TAF4: variants seen among roughly 807,000 people sequenced by gnomAD.
The protein encoded by TAF4 is TATA-box binding protein associated factor 4.
A neutral mutation model predicts 90.3 loss-of-function variants in TAF4; 9 were observed. The ratio of observed to expected loss-of-function variants is 0.10; its 90% CI spans 0.06 to 0.17. The LOEUF (loss-of-function observed/expected upper bound fraction) is 0.17, where lower values mean the gene tolerates loss of function less well. Among genes scored for constraint, TAF4 ranks in the 10% least tolerant of loss-of-function variants. The pLI is 1.00. For synonymous variants in TAF4, 818 were observed against 638.9 expected, an observed-to-expected ratio of 1.28 and a Z score of -4.23; for missense variants, 1,351 against 1,370.7, an observed-to-expected ratio of 0.99 and a Z score of 0.23.
chr20:62,065,183 C>T lies in TAF4; in HGVS notation c.628G>A (p.Ala210Thr). Residue 210 changes from alanine to threonine, a missense_variant, in exon 1 of 15, where the codon GCC (alanine) becomes ACC (threonine). Ala to Thr is a moderately conservative substitution (Grantham distance 58). Coordinates refer to ENST00000252996, the MANE Select transcript of TAF4 (RefSeq NM_003185.4). ...ACCAGGCTGACAGCAGGTGCGGCGG[C>T]GTGGTGCGAGTTCAGCAGCGCGGCG... is the stretch of plus-strand genomic sequence containing the variant. Reference protein sequence around the residue: ...GSAALLNSHHAAAPAVSLVNN... With the variant: ...GSAALLNSHHTAAPAVSLVNN... 3 of 1,207,678 alleles carry T rather than the reference C, an allele frequency of 2.5e-6. No homozygotes were observed. Among genetic ancestry groups the T allele is most frequent in the Non-Finnish European group, 2.1e-6 (2 of 947,764 alleles). The allele number at this position is 1,207,678 out of a possible 1,614,324, so 74.8% of individuals were successfully genotyped here. A position where few individuals can be genotyped will look rare whatever the true frequency, so the allele number is the denominator to read the frequency against.
At chr20:62,017,054 T>C (rs1156956830) in intron 1 of TAF4, among the ~76,000 whole-genome samples, 1 of 151,128 alleles carries the variant, frequency 6.6e-6, no homozygotes, top group African/African-American at 2.4e-5. Context: ...GGTGGGAGGA[T>C]CATCTGAGTC....
At chr20:62,009,308 C>T in intron 4 of TAF4, 134 bp from the exon 5 acceptor site, 1 of 959,384 alleles carries the variant, frequency 1.0e-6, no homozygotes, top group Non-Finnish European at 1.5e-6. Context: ...AGAAAACGCA[C>T]CACCTCTTGG....
intron 1 of TAF4, among the ~76,000 whole-genome samples, chr20:62,049,243 C>A (rs1265550378): frequency 1.3e-5 from 2 of 152,088 alleles, no homozygotes; most frequent in Admixed American, 6.5e-5. Flanking sequence ...ACCCTGCAAG[C>A]GGGGTTCCCA....
chr20:62,042,842 G>A (rs1359085447), intron 1 of TAF4, among the ~76,000 whole-genome samples: 2 of 152,172 alleles, frequency 1.3e-5, no homozygotes, highest in Non-Finnish European at 2.9e-5. Flanking sequence ...GAGTCCAGAA[G>A]AAGGTACTGA....
Position 62,065,577 on chromosome 20 carries a change from G to C in TAF4, c.234C>G (p.Pro78=), listed in dbSNP as rs1431429759. 14 of 979,996 alleles carry C rather than the reference G, an allele frequency of 1.4e-5. No homozygotes were observed. Among genetic ancestry groups the C allele is most frequent in the Non-Finnish European group, 1.6e-5 (13 of 828,394 alleles). The allele number at this position is 979,996 out of a possible 1,614,324, so 60.7% of individuals were successfully genotyped here. The change falls in exon 1 of 15, where the codon CCC becomes CCG. Residue 78 remains proline (P), a synonymous_variant. Transcript: ENST00000252996. ...AGAAGAGPAA[P]AEGAPGAAPE... The stretch of plus-strand genomic sequence containing the variant: ...GCGCCGCTCCGGGCGCGCCCTCGGC[G>C]GGGGCGGCCGGCCCTGCGCCCGCGG...
chr20:62,035,969 G>A (rs1310037343), intron 1 of TAF4, among the ~76,000 whole-genome samples: 3 of 149,670 alleles, frequency 2.0e-5, no homozygotes, highest in Non-Finnish European at 3.0e-5. Flanking sequence ...TAAAGGAAAA[G>A]AAGTTAAATG....
intron 1 of TAF4, among the ~76,000 whole-genome samples, chr20:62,019,669 A>AG (rs1485416163): frequency 3.9e-5 from 6 of 152,156 alleles, no homozygotes; most frequent in African/African-American, 1.2e-4. Context: ...CCTCCCCCAG[A>AG]GCCTTCCAGG....
intron 1 of TAF4, among the ~76,000 whole-genome samples, chr20:62,033,737 C>CA (rs760557566): frequency 0.046 from 2,959 of 64,272 alleles, 47 homozygotes; most frequent in Non-Finnish European, 0.067. Flanking sequence ...GACTCCGTCT[C>CA]AAAAAAAAAA....
intron 1 of TAF4, among the ~76,000 whole-genome samples, chr20:62,020,244 G>C (rs937660825): frequency 2.0e-5 from 3 of 152,206 alleles, no homozygotes; most frequent in African/African-American, 7.2e-5. Context: ...CCAACGCACA[G>C]GACAGGCTGC....
chr20:62,031,307 ATGTGCAGAATCAGGC>A (rs2055903095), intron 1 of TAF4, among the ~76,000 whole-genome samples: 1 of 151,982 alleles, frequency 6.6e-6, no homozygotes, highest in Non-Finnish European at 1.5e-5. Flanking sequence ...GAGGCCCAGC[ATGTGCAGAATCAGGC>A]TGTGCTCGCT....
intron 2 of TAF4, among the ~76,000 whole-genome samples, chr20:62,014,295 C>T (rs771633892): frequency 4.6e-5 from 7 of 152,090 alleles, no homozygotes; most frequent in Non-Finnish European, 5.9e-5. Flanking sequence ...TGACCCCACT[C>T]GGCCCGCCCT....
intron 1 of TAF4, among the ~76,000 whole-genome samples, chr20:62,039,388 C>T (rs1470013263): frequency 6.6e-6 from 1 of 152,190 alleles, no homozygotes; most frequent in Non-Finnish European, 1.5e-5. Context: ...TGATTGGTAA[C>T]CACAGAAAAA....
At chr20:62,020,179 C>T (rs1034905459) in intron 1 of TAF4, among the ~76,000 whole-genome samples, 15 of 152,256 alleles carry the variant, frequency 9.9e-5, no homozygotes, top group African/African-American at 3.6e-4. Context: ...CCAGCCCCAG[C>T]CCCAGCCCAG....
intron 1 of TAF4, among the ~76,000 whole-genome samples, chr20:62,052,217 T>A (rs1193242597): frequency 1.3e-5 from 2 of 151,840 alleles, no homozygotes; most frequent in African/African-American, 4.8e-5. Context: ...TGTCAAAGGC[T>A]CAACCTCCCC....
chr20:62,002,659 T>A (rs28382092), intron 9 of TAF4, among the ~76,000 whole-genome samples: 7 of 152,130 alleles, frequency 4.6e-5, no homozygotes, highest in Admixed American at 4.6e-4. Context: ...CCTGGCTAAT[T>A]TTTTATTTTT....
intron 5 of TAF4, 121 bp downstream of exon 5, chr20:62,008,931 C>T (rs1358884938): frequency 7.4e-7 from 1 of 1,353,628 alleles, no homozygotes; most frequent in South Asian, 1.6e-5. Flanking sequence ...TCGCCTGCAG[C>T]CTTCCAGAGG....
chr20:62,043,571 C>A (rs1429048947), intron 1 of TAF4, among the ~76,000 whole-genome samples: 1 of 152,198 alleles, frequency 6.6e-6, no homozygotes, highest in Non-Finnish European at 1.5e-5. Flanking sequence ...CAGAGCAACA[C>A]CCAGTCCTGC....
chr20:62,052,529 G>A (rs1430216145), intron 1 of TAF4, among the ~76,000 whole-genome samples: 4 of 151,022 alleles, frequency 2.6e-5, no homozygotes, highest in Non-Finnish European at 4.4e-5. Flanking sequence ...GCCCCAGCCC[G>A]TGTGTGCCCT....
chr20:62,001,280 C>A (rs1481785549), intron 9 of TAF4, among the ~76,000 whole-genome samples: 2 of 152,174 alleles, frequency 1.3e-5, no homozygotes, highest in Non-Finnish European at 2.9e-5. Flanking sequence ...AGGACCCGGT[C>A]CCAGCAGCGC....
Sources: gnomAD v4.1 joint callset for allele counts (sites outside exome capture counted in the v4.1 genomes callset) on GRCh38, gnomAD v4.1.1 for gene constraint, MANE v1.5 for transcripts, NCBI Gene and HGNC (gene_info 2026-07-23, HGNC 2026-07-21) for gene names.